The following TENM3 variants were observed in gnomAD, a reference collection of about 807,000 sequenced individuals.
The protein encoded by TENM3 is teneurin transmembrane protein 3.
In TENM3, 63 loss-of-function variants were observed where a neutral mutation model predicts 255.1. That is an observed-to-expected ratio of 0.25 (90% CI 0.20 to 0.30). TENM3 has a LOEUF of 0.30. TENM3 is among the 10% of genes least tolerant of loss of function. The pLI, the probability that TENM3 is intolerant of heterozygous loss-of-function variation, is 1.00. For synonymous variants in TENM3, 1,306 were observed against 1,322.3 expected, an observed-to-expected ratio of 0.99 and a Z score of 0.27; for missense variants, 2,929 against 3,461.1, an observed-to-expected ratio of 0.85 and a Z score of 3.86.
chr4:182,439,997 T>G (rs887119170), intron 3 of TENM3, among the ~76,000 whole-genome samples: 1 of 152,176 alleles, frequency 6.6e-6, no homozygotes, highest in African/African-American at 2.4e-5. Context: ...CTTCGTTTAC[T>G]CATTGCCTCT....
chr4:182,506,567 A>G (rs551162236), intron 3 of TENM3, among the ~76,000 whole-genome samples: 1 of 152,198 alleles, frequency 6.6e-6, no homozygotes, highest in Non-Finnish European at 1.5e-5. Context: ...TTGATCTTAT[A>G]TACTGTATTA....
the TENM3 span, among the ~76,000 whole-genome samples, chr4:181,454,691 T>TTTTTTTTTTTAC: frequency 2.7e-5 from 4 of 150,232 alleles, no homozygotes; most frequent in African/African-American, 9.8e-5. Flanking sequence ...ACTTTTTTTT[T>TTTTTTTTTTTAC]CTGGTGTGCC....
chr4:182,610,307 C>T (rs1748870862), intron 4 of TENM3, among the ~76,000 whole-genome samples: 1 of 150,278 alleles, frequency 6.7e-6, no homozygotes, highest in African/African-American at 2.4e-5. Flanking sequence ...GTATGAAAAA[C>T]TCAAGAAAGG....
At chr4:182,289,453 C>T (rs1471674860) in intron 1 of TENM3, among the ~76,000 whole-genome samples, 1 of 152,226 alleles carries the variant, frequency 6.6e-6, no homozygotes, top group African/African-American at 2.4e-5. Context: ...GCCACTGGCA[C>T]TCTGCAGGGA....
intron 1 of TENM3, among the ~76,000 whole-genome samples, chr4:182,304,197 A>G (rs1762001951): frequency 6.6e-6 from 1 of 151,700 alleles, no homozygotes; most frequent in Non-Finnish European, 1.5e-5. Context: ...ACAATATTAT[A>G]TTATCTTTTC....
At chr4:181,823,558 C>A in the TENM3 span, among the ~76,000 whole-genome samples, 1 of 152,072 alleles carries the variant, frequency 6.6e-6, no homozygotes, top group Non-Finnish European at 1.5e-5. Context: ...TCACTTAGAT[C>A]TCTGTTTTGA....
chr4:181,845,031 T>G, the TENM3 span, among the ~76,000 whole-genome samples: 1 of 152,244 alleles, frequency 6.6e-6, no homozygotes, highest in Non-Finnish European at 1.5e-5. Context: ...TTTATATAAT[T>G]TGTTATTCAT....
chr4:182,315,784 C>T (rs1004697022), intron 1 of TENM3, among the ~76,000 whole-genome samples: 1 of 152,020 alleles, frequency 6.6e-6, no homozygotes, highest in African/African-American at 2.4e-5. Context: ...ATTTATTTAT[C>T]CACCCATTCT....
At position 182,793,785 on chromosome 4, in the gene TENM3, C is replaced by G; in HGVS notation, c.7113C>G (p.Ile2371Met). 1 of 1,613,946 alleles carries G rather than the reference C, an allele frequency of 6.2e-7. No individual in the cohort carries two copies. Among genetic ancestry groups the G allele is most frequent in the East Asian group, 2.2e-5 (1 of 44,876 alleles). ...GGTGGACAACACCTGACATAGAAAT[C>G]TGGAAAAGAATTGGGAAGGACCCAG... ...AGRWTTPDIE[I>M]WKRIGKDPAP... Residue 2371 changes from isoleucine to methionine, a missense_variant, in exon 26 of 28, where the codon ATC becomes ATG. Coordinates refer to ENST00000511685, the MANE Select transcript of TENM3 (RefSeq NM_001080477.4). The surrounding 1 kb of genome is among the most constrained non-coding windows in gnomAD (Gnocchi z 5.7).
chr4:182,603,784 T>TATATATATATATATAC (rs58332965), intron 4 of TENM3, among the ~76,000 whole-genome samples: 5 of 134,210 alleles, frequency 3.7e-5, no homozygotes, highest in African/African-American at 1.1e-4. Flanking sequence ...TATATATATA[T>TATATATATATATATAC]ACACACACAC....
intron 1 of TENM3, among the ~76,000 whole-genome samples, chr4:182,153,503 C>T (rs1305196249): frequency 6.6e-6 from 1 of 152,112 alleles, no homozygotes; most frequent in African/African-American, 2.4e-5. Flanking sequence ...TTAGGAACTT[C>T]GGTCAACCAT....
intron 4 of TENM3, among the ~76,000 whole-genome samples, chr4:182,603,784 T>TATATATATATATATATAC (rs58332965): frequency 3.1e-4 from 42 of 134,202 alleles, no homozygotes; most frequent in African/African-American, 1.1e-3. Context: ...TATATATATA[T>TATATATATATATATATAC]ACACACACAC....
intron 24 of TENM3, among the ~76,000 whole-genome samples, chr4:182,783,321 G>C (rs1765336378): frequency 6.6e-6 from 1 of 151,116 alleles, no homozygotes; most frequent in Admixed American, 6.6e-5. Flanking sequence ...ATGAAGCTTA[G>C]TTTGGCTGGA....
At chr4:182,543,627 T>C (rs1488859642) in intron 3 of TENM3, among the ~76,000 whole-genome samples, 1 of 152,150 alleles carries the variant, frequency 6.6e-6, no homozygotes, top group Non-Finnish European at 1.5e-5. Context: ...ATCTTTTTTT[T>C]CACCAAAAAA....
chr4:182,058,137 G>C, the TENM3 span, among the ~76,000 whole-genome samples: 1 of 115,892 alleles, frequency 8.6e-6, no homozygotes, highest in Non-Finnish European at 1.7e-5. Flanking sequence ...TATCTTTTTA[G>C]CCATAAAATA....
intron 2 of TENM3, among the ~76,000 whole-genome samples, chr4:182,325,920 G>A (rs1328295333): frequency 6.6e-6 from 1 of 152,078 alleles, no homozygotes; most frequent in Non-Finnish European, 1.5e-5. Context: ...TAAAAATAGC[G>A]CACTGAACTG....
At chr4:182,415,548 G>A (rs1770302244) in intron 3 of TENM3, among the ~76,000 whole-genome samples, 1 of 152,126 alleles carries the variant, frequency 6.6e-6, no homozygotes, top group Admixed American at 6.5e-5. Context: ...GGCATGATAA[G>A]AGAGGGAGAC....
intron 1 of TENM3, among the ~76,000 whole-genome samples, chr4:182,226,554 G>A (rs1756168588): frequency 6.6e-6 from 1 of 152,058 alleles, no homozygotes; most frequent in Non-Finnish European, 1.5e-5. Context: ...GTAAGTAACT[G>A]CGTTACATAA....
At chr4:181,660,803 A>G in the TENM3 span, among the ~76,000 whole-genome samples, 1 of 152,164 alleles carries the variant, frequency 6.6e-6, no homozygotes, top group Non-Finnish European at 1.5e-5. Context: ...GGCATTATGG[A>G]TGGATGAATT....
Sources: gnomAD v4.1 joint callset for allele counts (sites outside exome capture counted in the v4.1 genomes callset) on GRCh38, gnomAD v4.1.1 for gene constraint, Gnocchi (gnomAD v3.1) non-coding constraint, MANE v1.5 for transcripts, NCBI Gene and HGNC (gene_info 2026-07-23, HGNC 2026-07-21) for gene names.